The following KCNIP1 variants were observed in gnomAD, a reference collection of about 807,000 sequenced individuals.
The protein encoded by KCNIP1 is A-type potassium channel modulatory protein KCNIP1.
In KCNIP1, 18 loss-of-function variants were observed where a neutral mutation model predicts 33.0. The ratio of observed to expected loss-of-function variants is 0.55; its 90% CI spans 0.38 to 0.81. The LOEUF (loss-of-function observed/expected upper bound fraction) is 0.81, where lower values mean the gene tolerates loss of function less well. KCNIP1 is among the 30% of genes least tolerant of loss of function. The pLI is 0.00. For missense variants in KCNIP1, 238 were observed against 271.6 expected (o/e 0.88, Z 0.87); for synonymous variants, 93 against 98.3 (o/e 0.95, Z 0.32).
chr5:170,464,542 A>T (rs1756569577), intron 1 of KCNIP1, among the ~76,000 whole-genome samples: 2 of 152,218 alleles, frequency 1.3e-5, no homozygotes, highest in African/African-American at 4.8e-5. Context: ...GGTAATATTT[A>T]TCATCTCAAA....
At chr5:170,656,212 G>A (rs960201571) in intron 1 of KCNIP1, among the ~76,000 whole-genome samples, 2 of 152,240 alleles carry the variant, frequency 1.3e-5, no homozygotes, top group South Asian at 2.1e-4. Context: ...GCCCAGCCCT[G>A]TGAACAGCTT....
chr5:170,528,788 G>A (rs1755678970), intron 1 of KCNIP1, among the ~76,000 whole-genome samples: 1 of 152,160 alleles, frequency 6.6e-6, no homozygotes, highest in African/African-American at 2.4e-5. Context: ...TTTTCATTTG[G>A]GAAGGAAGAA....
At chr5:170,416,748 TG>T (rs1755342250) in intron 1 of KCNIP1, among the ~76,000 whole-genome samples, 2 of 152,156 alleles carry the variant, frequency 1.3e-5, no homozygotes, top group African/African-American at 4.8e-5. Flanking sequence ...ACTCATTTCT[TG>T]GGGCAAACAG....
chr5:170,674,326 G>T (rs1284590667), intron 1 of KCNIP1, among the ~76,000 whole-genome samples: 1 of 152,182 alleles, frequency 6.6e-6, no homozygotes, highest in African/African-American at 2.4e-5. Context: ...GGTAAAAATT[G>T]AAACATGTCA....
intron 1 of KCNIP1, among the ~76,000 whole-genome samples, chr5:170,485,394 T>G (rs1757066652): frequency 6.6e-6 from 1 of 152,026 alleles, no homozygotes; most frequent in South Asian, 2.1e-4. Context: ...CATCCCAAAC[T>G]CAAGCCCACA....
chr5:170,732,713 G>A, intron 5 of KCNIP1, 87 bp from the exon 6 acceptor site: 2 of 808,226 alleles, frequency 2.5e-6, no homozygotes, highest in Non-Finnish European at 4.3e-6. Context: ...TCATTGCCAA[G>A]GGGCACAAGG....
intron 1 of KCNIP1, among the ~76,000 whole-genome samples, chr5:170,434,300 G>A (rs543902472): frequency 6.6e-6 from 1 of 152,296 alleles, no homozygotes; most frequent in Non-Finnish European, 1.5e-5. Context: ...AAGTATGTAT[G>A]TAAGCATATA....
chr5:170,721,267 T>C (rs1331144350), intron 3 of KCNIP1, among the ~76,000 whole-genome samples: 1 of 152,194 alleles, frequency 6.6e-6, no homozygotes, highest in Non-Finnish European at 1.5e-5. Context: ...GGCCCCAGAA[T>C]TGCAGTTTGC....
Position 170,356,436 on chromosome 5 carries a change from C to T in KCNIP1, c.88+2472C>T, listed in dbSNP as rs371261670. The stretch of plus-strand genomic sequence containing the variant: ...CTCCCTGTCCTGCCTGTTCCTAACC[C>T]TTGGCCACCTCCTGCCATGCCAGAA... On this transcript the variant is annotated intron_variant, in intron 1 of 7. Coordinates refer to the KCNIP1 transcript ENST00000377360. Among the ~76,000 whole-genome samples, 14 of 152,284 alleles carry T rather than the reference C, an allele frequency of 9.2e-5. No homozygotes were observed. The East Asian group carries it at 1.2e-3, about 13-fold the overall frequency.
At chr5:170,497,235 T>C (rs1757327121) in intron 1 of KCNIP1, among the ~76,000 whole-genome samples, 1 of 152,276 alleles carries the variant, frequency 6.6e-6, no homozygotes, top group South Asian at 2.1e-4. Flanking sequence ...ATGACCTGCC[T>C]TTTTCATGAG....
chr5:170,690,160 A>T (rs1762673303), intron 1 of KCNIP1, among the ~76,000 whole-genome samples: 1 of 152,162 alleles, frequency 6.6e-6, no homozygotes, highest in African/African-American at 2.4e-5. Flanking sequence ...CTGATGAATG[A>T]CGGCCCTAAG....
At chr5:170,685,905 C>T (rs1266700481) in intron 1 of KCNIP1, among the ~76,000 whole-genome samples, 1 of 152,218 alleles carries the variant, frequency 6.6e-6, no homozygotes, top group Non-Finnish European at 1.5e-5. Context: ...GAAAGAACAA[C>T]ATAAAATATT....
chr5:170,658,304 C>G (rs879492359), intron 1 of KCNIP1, among the ~76,000 whole-genome samples: 1 of 152,152 alleles, frequency 6.6e-6, no homozygotes, highest in Admixed American at 6.5e-5. Context: ...GGGGCAGGTA[C>G]TCCCTGCATA....
At chr5:170,382,172 G>A (rs1276585516) in intron 1 of KCNIP1, among the ~76,000 whole-genome samples, 1 of 152,156 alleles carries the variant, frequency 6.6e-6, no homozygotes, top group Non-Finnish European at 1.5e-5. Flanking sequence ...CACACCTGTA[G>A]GCTCCATCTT....
At chr5:170,485,550 G>A (rs1354171270) in intron 1 of KCNIP1, among the ~76,000 whole-genome samples, 4 of 152,180 alleles carry the variant, frequency 2.6e-5, no homozygotes, top group Admixed American at 6.5e-5. Context: ...CCTATTCTGC[G>A]AAGTGCCTCC....
intron 1 of KCNIP1, chr5:170,483,224 T>A: frequency 2.7e-6 from 1 of 370,844 alleles, no homozygotes; most frequent in Non-Finnish European, 5.3e-6. Context: ...GAACCCAGGG[T>A]GGTGGGAACA....
intron 3 of KCNIP1, among the ~76,000 whole-genome samples, chr5:170,721,239 G>A (rs1433072430): frequency 1.3e-5 from 2 of 152,194 alleles, no homozygotes; most frequent in African/African-American, 4.8e-5. Flanking sequence ...GGTGGGGGAG[G>A]CAGTTTTGTC....
At chr5:170,685,471 A>T (rs528947138) in intron 1 of KCNIP1, among the ~76,000 whole-genome samples, 1 of 150,592 alleles carries the variant, frequency 6.6e-6, no homozygotes, top group East Asian at 2.0e-4. Flanking sequence ...TGTATTTTGT[A>T]GTCTATTATA....
chr5:170,640,498 T>C (rs1255616838), intron 1 of KCNIP1, among the ~76,000 whole-genome samples: 2 of 152,190 alleles, frequency 1.3e-5, no homozygotes, highest in Non-Finnish European at 1.5e-5. Context: ...CCAAATTACA[T>C]AGGCCAATAT....
Sources: allele counts gnomAD v4.1 joint callset (sites outside exome capture counted in the v4.1 genomes callset), GRCh38; gene constraint gnomAD v4.1.1; transcripts MANE v1.5; gene names NCBI Gene and HGNC (gene_info 2026-07-23, HGNC 2026-07-21).